The following MBIP variants were observed in gnomAD, a reference collection of about 807,000 sequenced individuals.
The protein encoded by MBIP is MAP3K12-binding inhibitory protein 1.
MBIP carries 32 observed loss-of-function variants against 45.7 expected under a neutral mutation model. The ratio of observed to expected loss-of-function variants is 0.70; its 90% CI spans 0.53 to 0.94. The LOEUF (loss-of-function observed/expected upper bound fraction) is 0.94, where lower values mean the gene tolerates loss of function less well. Ranked by LOEUF, MBIP falls within the 40% of genes least tolerant of loss-of-function variation. MBIP has a pLI of 0.00. For missense variants in MBIP, 381 were observed against 405.5 expected, an observed-to-expected ratio of 0.94 and a Z score of 0.52; for synonymous variants, 145 against 141.0, an observed-to-expected ratio of 1.03 and a Z score of -0.20.
intron 6 of MBIP, among the ~76,000 whole-genome samples, chr14:36,309,252 C>A (rs796526982): frequency 6.6e-5 from 10 of 152,284 alleles, no homozygotes; most frequent in Admixed American, 2.6e-4. Flanking sequence ...ACCCAGCACT[C>A]CCTTATCCTC....
intron 1 of MBIP, among the ~76,000 whole-genome samples, chr14:36,318,168 C>A (rs1489217593): frequency 3.3e-5 from 5 of 151,988 alleles, no homozygotes; most frequent in African/African-American, 1.2e-4. Flanking sequence ...AATGTACTTT[C>A]ATAGTCTTCA....
chr14:36,307,814 C>T (rs1179483284), intron 7 of MBIP, among the ~76,000 whole-genome samples: 5 of 152,144 alleles, frequency 3.3e-5, no homozygotes, highest in Admixed American at 3.3e-4. Context: ...GCCCAACCAC[C>T]ACCCAGGCTG....
At chr14:36,307,744 G>A (rs1254865374) in intron 7 of MBIP, among the ~76,000 whole-genome samples, 3 of 152,148 alleles carry the variant, frequency 2.0e-5, no homozygotes, top group African/African-American at 7.2e-5. Flanking sequence ...AGGGATCACT[G>A]AAAGAGCAAG....
intron 7 of MBIP, among the ~76,000 whole-genome samples, chr14:36,301,254 T>A (rs573636669): frequency 2.0e-5 from 3 of 152,104 alleles, no homozygotes; most frequent in Non-Finnish European, 4.4e-5. Context: ...AAAACACACA[T>A]ACACACACCC....
In MBIP at chr14:36,316,726, A is replaced by G. The variant is rs1378092469; in HGVS notation, c.216T>C (p.Phe72=). ...SLSAFQPALL[F]SALEQHILYL... ...ATAAAATGTGTTGTTCAAGTGCACT[A>G]AAGAGCAATGCAGGCTGGAATGCCG... The change falls in exon 2 of 9, where the codon TTT becomes TTC. Residue 72 remains phenylalanine (F), a synonymous_variant. Transcript: ENST00000416007. 5 of 1,611,770 alleles carry G rather than the reference A, an allele frequency of 3.1e-6. No individual in the cohort carries two copies. Among genetic ancestry groups the G allele is most frequent in the Non-Finnish European group, 4.2e-6 (5 of 1,178,882 alleles).
intron 7 of MBIP, among the ~76,000 whole-genome samples, chr14:36,304,295 C>T (rs1039077813): frequency 6.6e-6 from 1 of 152,214 alleles, no homozygotes; most frequent in African/African-American, 2.4e-5. Context: ...AATGAGCTAT[C>T]AGCCAAGTCC....
Position 36,310,709 on chromosome 14 carries a change from C to A in MBIP, c.790+864G>T, listed in dbSNP as rs1346412973. ...ATACCAGGTGCTATATAAGATTATACAAAAGGTGAATCTGCACTGGTCTAG... is the reference window on the plus strand; with the variant it reads ...ATACCAGGTGCTATATAAGATTATAAAAAAGGTGAATCTGCACTGGTCTAG... On this transcript the variant is annotated intron_variant, in intron 6 of 8. Coordinates refer to ENST00000416007, the MANE Select transcript of MBIP (RefSeq NM_016586.3). Among the ~76,000 whole-genome samples, 7 of 152,176 alleles carry A rather than the reference C, an allele frequency of 4.6e-5. No homozygotes were observed. The East Asian group carries it at 1.4e-3, about 29-fold the overall frequency.
intron 4 of MBIP, chr14:36,313,438 T>C (rs1880336045): frequency 6.6e-6 from 1 of 152,070 alleles, no homozygotes; most frequent in South Asian, 2.1e-4. Context: ...TTCTATCCCC[T>C]GGTGGTTTAT....
chr14:36,308,279 A>G, intron 6 of MBIP, 90 bp from the exon 7 acceptor site: 2 of 662,670 alleles, frequency 3.0e-6, no homozygotes, highest in South Asian at 4.0e-5. Flanking sequence ...AAAGACACTT[A>G]TGCAAAGGAA....
At chr14:36,320,415 G>C (rs1486014358) in intron 1 of MBIP, 45 bp downstream of exon 1, 1 of 1,612,600 alleles carries the variant, frequency 6.2e-7, no homozygotes, top group Non-Finnish European at 8.5e-7. Flanking sequence ...GGCGAGGAGG[G>C]ACCGGATGGT....
Position 36,300,840 on chromosome 14 carries a change from AAGGT to A in MBIP, c.889-21_889-18del. ...AGAAAAGCTCTAGATTAAAAAAAAAAAGGTAATGTTTAGAAAAATCTAAGCATCA... is the reference window on the plus strand; with the variant it reads ...AGAAAAGCTCTAGATTAAAAAAAAAAAATGTTTAGAAAAATCTAAGCATCA... On this transcript the variant is annotated intron_variant, in intron 7 of 8. Coordinates refer to ENST00000416007, the MANE Select transcript of MBIP (RefSeq NM_016586.3). 1.4e-6 allele frequency: 2 copies of A among 1,443,624 alleles called. No homozygotes were observed. 89.4% of individuals were successfully genotyped at this position (1,443,624 alleles called of 1,614,324 possible).
chr14:36,302,232 C>T (rs1416839979), intron 7 of MBIP, among the ~76,000 whole-genome samples: 2 of 152,152 alleles, frequency 1.3e-5, no homozygotes, highest in Non-Finnish European at 2.9e-5. Flanking sequence ...GTGGCTCATG[C>T]CTGTAATCCC....
chr14:36,308,016 T>C, intron 7 of MBIP, 76 bp downstream of exon 7: 2 of 775,480 alleles, frequency 2.6e-6, no homozygotes, highest in Non-Finnish European at 4.3e-6. Context: ...TATAGATCAA[T>C]GAGTGACTGT....
chr14:36,310,866 A>G (rs1329895072), intron 6 of MBIP, among the ~76,000 whole-genome samples: 2 of 151,912 alleles, frequency 1.3e-5, no homozygotes, highest in African/African-American at 2.4e-5. Flanking sequence ...AAAATTACAA[A>G]CCCCCTTCAA....
At chr14:36,306,420 T>C (rs1879882784) in intron 7 of MBIP, among the ~76,000 whole-genome samples, 1 of 151,894 alleles carries the variant, frequency 6.6e-6, no homozygotes, top group South Asian at 2.1e-4. Flanking sequence ...ATGCCCAGCT[T>C]ATTTTTTTTA....
intron 8 of MBIP, 135 bp downstream of exon 8, chr14:36,300,650 A>G (rs1879486098): frequency 1.7e-6 from 1 of 575,876 alleles, no homozygotes; most frequent in Non-Finnish European, 3.1e-6. Flanking sequence ...ATTAGTTTAT[A>G]CTGCCCTTTT....
At position 36,311,727 on chromosome 14, in the gene MBIP, T is replaced by G; in HGVS notation, c.638-2A>C. 6.3e-7 allele frequency: 1 copy of G among 1,586,684 alleles called. No homozygotes were observed. ...CGTATGTATTCACAACTCTAGAAACTAAATTAAGAAACTTTTGAGCCTATA... is the reference window on the plus strand; with the variant it reads ...CGTATGTATTCACAACTCTAGAAACGAAATTAAGAAACTTTTGAGCCTATA... On this transcript the variant is annotated splice_acceptor_variant, in intron 5 of 8. Transcript: ENST00000416007. LOFTEE classifies it high-confidence loss of function.
chr14:36,316,626 C>T, intron 2 of MBIP, 67 bp downstream of exon 2: 2 of 1,443,288 alleles, frequency 1.4e-6, no homozygotes, highest in Non-Finnish European at 1.9e-6. Flanking sequence ...TCAAATACTC[C>T]AACTAACTTA....
At chr14:36,319,320 AC>A (rs1157524693) in intron 1 of MBIP, among the ~76,000 whole-genome samples, 1 of 152,176 alleles carries the variant, frequency 6.6e-6, no homozygotes, top group African/African-American at 2.4e-5. Flanking sequence ...AATGTTAATA[AC>A]AAAACACCCC....
Sources: gnomAD v4.1 joint callset for allele counts (sites outside exome capture counted in the v4.1 genomes callset) on GRCh38, gnomAD v4.1.1 for gene constraint, MANE v1.5 for transcripts, NCBI Gene and HGNC (gene_info 2026-07-23, HGNC 2026-07-21) for gene names.